The following ACOT6 variants were observed in gnomAD, a reference collection of about 807,000 sequenced individuals.
ACOT6 encodes acyl-CoA thioesterase 6.
In ACOT6, 14 loss-of-function variants were observed where a neutral mutation model predicts 12.3. That is an observed-to-expected ratio of 1.14 (90% CI 0.75 to 1.78). The LOEUF (loss-of-function observed/expected upper bound fraction) is 1.78. ACOT6 is among the 40% of genes most tolerant of loss of function. The pLI is 0.00. For synonymous variants in ACOT6, 218 were observed against 231.3 expected (o/e 0.94, Z 0.52); for missense variants, 523 against 551.8 (o/e 0.95, Z 0.52).
At chr14:73,613,696 C>G (rs1316786908) in intron 1 of ACOT6, among the ~76,000 whole-genome samples, 1 of 152,110 alleles carries the variant, frequency 6.6e-6, no homozygotes, top group Non-Finnish European at 1.5e-5. Context: ...CAGGCAGAGG[C>G]CAGAGATGCT....
chr14:73,614,177 G>T (rs147181579), intron 1 of ACOT6, among the ~76,000 whole-genome samples: 2,254 of 152,038 alleles, frequency 0.015, 57 homozygotes, highest in African/African-American at 0.051. Flanking sequence ...TTCCAGCCTG[G>T]ACAACAGAGT....
Position 73,612,606 on chromosome 14 carries a change from G to T in ACOT6, c.35G>T (p.Arg12Leu), listed in dbSNP as rs546367929. Residue 12 changes from arginine (R) to leucine (L), a missense_variant, in exon 1 of 3, where the codon CGC becomes CTC. By Grantham distance (102) the Arg-to-Leu change is moderately radical. Transcript: ENST00000645972. ...AATLILEPAGRCCWDEPLRIA... is the reference protein window; with the variant it reads ...AATLILEPAGLCCWDEPLRIA... ...ACGCTGATCCTGGAGCCCGCGGGCCGCTGCTGCTGGGACGAGCCGCTGCGC... is the reference window on the plus strand; with the variant it reads ...ACGCTGATCCTGGAGCCCGCGGGCCTCTGCTGCTGGGACGAGCCGCTGCGC... The T allele has an allele frequency of 1.1e-5, 16 of 1,417,338 alleles. No homozygotes were observed. Among genetic ancestry groups the T allele is most frequent in the African/African-American group, 8.9e-5 (6 of 67,152 alleles). The allele number at this position is 1,417,338 out of a possible 1,614,324, so 87.8% of individuals were successfully genotyped here. A position where few individuals can be genotyped will look rare whatever the true frequency, so the allele number is the denominator to read the frequency against.
intron 1 of ACOT6, among the ~76,000 whole-genome samples, chr14:73,614,970 G>A (rs1350120134): frequency 6.6e-6 from 1 of 150,864 alleles, no homozygotes; most frequent in Non-Finnish European, 1.5e-5. Context: ...GGTGGTGGGT[G>A]CCTGTAATCT....
rs1890552538 is a variant in ACOT6 at position 73,617,058 on chromosome 14, AGCCTCC to A, written c.527_532del (p.Ser176_Leu178delinsMet). 6.6e-5 allele frequency: 87 copies of A among 1,311,854 alleles called. No individual in the cohort carries two copies. The highest frequency in any genetic ancestry group is 8.7e-5 in the Non-Finnish European group (79 of 907,948). 81.3% of individuals were successfully genotyped at this position (1,311,854 alleles called of 1,614,324 possible). A position where few individuals can be genotyped will look rare whatever the true frequency, so the allele number is the denominator to read the frequency against. ...CAGGGGCCTTTGTGAATACAGGGCC[AGCCTCC>A]TGGCCGGACATGGTTTTGCTGTGCT... On this transcript the variant is annotated inframe_deletion, in exon 2 of 3. Coordinates refer to ENST00000645972, the MANE Select transcript of ACOT6 (RefSeq NM_001365788.1).
rs183051408 is a variant in ACOT6 at position 73,618,017 on chromosome 14, C to A, written c.660+825C>A. 6.8e-3 allele frequency among the ~76,000 whole-genome samples: 1,034 copies of A among 151,996 alleles called. 6 individuals are homozygous for A. The highest frequency in any genetic ancestry group is 0.011 in the Non-Finnish European group (722 of 67,994). Reference sequence around the variant, plus strand: ...AATTAGCTGGGCATGGTGGTGCACACCTGTAATCCCAGCTACTCGGGAGGC... The same window carrying A: ...AATTAGCTGGGCATGGTGGTGCACAACTGTAATCCCAGCTACTCGGGAGGC... On this transcript the variant is annotated intron_variant, in intron 2 of 2. Transcript: ENST00000645972.
intron 2 of ACOT6, among the ~76,000 whole-genome samples, chr14:73,618,289 C>A (rs146203818): frequency 1.3e-5 from 2 of 152,184 alleles, no homozygotes; most frequent in Admixed American, 6.5e-5. Context: ...TTCTCTCCCC[C>A]ACAACCCCTA....
chr14:73,618,474 G>C (rs1246092994), intron 2 of ACOT6, among the ~76,000 whole-genome samples: 1 of 151,372 alleles, frequency 6.6e-6, no homozygotes, highest in East Asian at 1.9e-4. Flanking sequence ...GAAGGAGCCA[G>C]TGATGGAAGA....
At chr14:73,617,386 C>T (rs760785785) in intron 2 of ACOT6, among the ~76,000 whole-genome samples, 194 bp downstream of exon 2, 9 of 151,848 alleles carry the variant, frequency 5.9e-5, no homozygotes, top group East Asian at 1.9e-4. Context: ...AGGCTGAGGC[C>T]GGGGGATTGC....
intron 1 of ACOT6, 155 bp from the exon 2 acceptor site, chr14:73,616,839 C>T (rs1350064467): frequency 3.7e-6 from 2 of 546,104 alleles, no homozygotes; most frequent in Admixed American, 3.3e-5. Flanking sequence ...AGTTTTTTAT[C>T]CCTCTATATT....
Position 73,619,556 on chromosome 14 carries a change from G to A in ACOT6, c.983G>A (p.Ser328Asn). The change falls in exon 3 of 3, where the codon AGC becomes AAC. Residue 328 changes from serine to asparagine, a missense_variant. Physicochemically the swap from Ser to Asn is conservative, Grantham distance 46. This residue lies in a region of ACOT6 where 219 missense variants were observed against 277.0 expected (regional missense o/e 0.79). Coordinates refer to ENST00000645972, the MANE Select transcript of ACOT6 (RefSeq NM_001365788.1). ...FLFIVGMDDQ[S>N]WKSEFYAQIA... ...TTTATTGTTGGCATGGATGATCAAA[G>A]CTGGAAGAGTGAATTCTATGCTCAG... is the stretch of plus-strand genomic sequence containing the variant. 6.2e-7 allele frequency: 1 copy of A among 1,614,214 alleles called. No homozygotes were observed. The highest frequency in any genetic ancestry group is 8.5e-7 in the Non-Finnish European group (1 of 1,180,042).
In ACOT6 at chr14:73,612,933, G is replaced by T; in HGVS notation, c.362G>T (p.Cys121Phe). The T allele has an allele frequency of 4.5e-6, 6 of 1,332,592 alleles. No homozygotes were observed. The highest frequency in any genetic ancestry group is 1.5e-5 in the African/African-American group (1 of 65,410). The allele number at this position is 1,332,592 out of a possible 1,614,324, so 82.5% of individuals were successfully genotyped here. A position where few individuals can be genotyped will look rare whatever the true frequency, so the allele number is the denominator to read the frequency against. Reference sequence around the variant, plus strand: ...GACACCGAGCCCGGGCGGCTGCTGTGCCTGGCGCAGAACAAGCGCGACTTT... The same window carrying T: ...GACACCGAGCCCGGGCGGCTGCTGTTCCTGGCGCAGAACAAGCGCGACTTT... ...GHDTEPGRLL[C>F]LAQNKRDFLR... is the part of the protein sequence containing the mutation. Residue 121 changes from cysteine (C) to phenylalanine (F), a missense_variant, in exon 1 of 3, where the codon TGC (cysteine) becomes TTC (phenylalanine). Transcript: ENST00000645972.
In ACOT6 at chr14:73,619,260, T is replaced by C. The variant is rs1457831478; in HGVS notation, c.687T>C (p.Leu229=). 1.9e-6 allele frequency: 3 copies of C among 1,594,136 alleles called. No homozygotes were observed. The highest frequency in any genetic ancestry group is 1.1e-5 in the South Asian group (1 of 87,150). Residue 229 remains leucine (L), a synonymous_variant, in exon 3 of 3, where the codon CTT becomes CTC. Transcript: ENST00000645972. ...TGAAAGGTCCTAGTATTGCGCTTCT[T>C]GGATTTTCCAAAGGAGGTGACCTGT... The part of the protein sequence containing the change: ...PKVKGPSIAL[L]GFSKGGDLCL...
rs749140763 is a variant in ACOT6, at chr14:73,617,144, T to C, written c.612T>C (p.His204=). 6.2e-7 allele frequency: 1 copy of C among 1,614,016 alleles called. No individual in the cohort carries two copies. Among genetic ancestry groups the C allele is most frequent in the Non-Finnish European group, 8.5e-7 (1 of 1,179,936 alleles). ...EDLPEDLNDV[H]LEYFEEAVDF... Reference sequence around the variant, plus strand: ...TCCCCGAAGATCTGAATGATGTACATCTGGAGTACTTTGAAGAAGCCGTGG... The same window carrying C: ...TCCCCGAAGATCTGAATGATGTACACCTGGAGTACTTTGAAGAAGCCGTGG... Residue 204 remains histidine, a synonymous_variant, in exon 2 of 3, where the codon CAT becomes CAC. Coordinates refer to ENST00000645972, the MANE Select transcript of ACOT6 (RefSeq NM_001365788.1).
Position 73,619,808 on chromosome 14 carries a change from G to A in ACOT6, c.1235G>A (p.Gly412Asp). 1 of 1,607,474 alleles carries A rather than the reference G, an allele frequency of 6.2e-7. No individual in the cohort carries two copies. The highest frequency in any genetic ancestry group is 8.5e-7 in the Non-Finnish European group (1 of 1,178,122). ...ACTTTCTTCCATAAACATCTCAATG[G>A]TAAAAAATCTGTCAAGCACAGCAAA... is the stretch of plus-strand genomic sequence containing the variant. ...IQTFFHKHLN[G>D]KKSVKHSKI is the part of the protein sequence containing the mutation. The change falls in exon 3 of 3, where the codon GGT becomes GAT. Residue 412 changes from glycine (G) to aspartate (D), a missense_variant. By Grantham distance (94) the Gly-to-Asp change is moderately conservative. This residue lies in a region of ACOT6 where 219 missense variants were observed against 277.0 expected (regional missense o/e 0.79). Transcript: ENST00000645972.
At chr14:73,615,388 T>TTAAAAAAAAAAAAAAAAAAAAA (rs1890516868) in intron 1 of ACOT6, among the ~76,000 whole-genome samples, 1 of 63,338 alleles carries the variant, frequency 1.6e-5, no homozygotes, top group African/African-American at 1.0e-4. Flanking sequence ...CTCTGTCTGA[T>TTAAAAAAAAAAAAAAAAAAAAA]AAAAAAAAAA....
chr14:73,615,406 AACAAAAAAC>A lies in ACOT6; in HGVS notation c.462-1586_462-1578del, dbSNP rs1195370559. 4.4e-3 allele frequency among the ~76,000 whole-genome samples: 311 copies of A among 70,234 alleles called. 16 individuals carry two copies. Among genetic ancestry groups the A allele is most frequent in the Middle Eastern group, 0.019 (2 of 108 alleles). 46.1% of individuals were successfully genotyped at this position (70,234 alleles called of 152,430 possible). ...TGTCTGATAAAAAAAAAAAAAAAAA[AACAAAAAAC>A]AAAAAAAACCAGCAACAACGAAAAA... On this transcript the variant is annotated intron_variant, in intron 1 of 2. Transcript: ENST00000645972.
intron 1 of ACOT6, among the ~76,000 whole-genome samples, chr14:73,613,437 CAAG>C (rs1410226583): frequency 1.3e-5 from 2 of 152,212 alleles, no homozygotes; most frequent in Non-Finnish European, 2.9e-5. Context: ...AGCTGATGTG[CAAG>C]AAGGATTTTT....
rs760554024 is a variant in ACOT6, at chr14:73,617,205, G to A, written c.660+13G>A. ...GCAGCATCCAAAGGTGCGTTCTGGT[G>A]ATCACCTGAGTGCAGAAGAGAGGGG... is the stretch of plus-strand genomic sequence containing the variant. On this transcript the variant is annotated intron_variant, in intron 2 of 2. Transcript: ENST00000645972. 9 of 1,614,034 alleles carry A rather than the reference G, an allele frequency of 5.6e-6. No individual in the cohort carries two copies. The East Asian group carries it at 1.6e-4, about 28-fold the overall frequency.
At position 73,612,568 on chromosome 14, in the gene ACOT6, T is replaced by A; in HGVS notation, c.-4T>A. On this transcript the variant is annotated 5_prime_UTR_variant, in exon 1 of 3. Coordinates refer to ENST00000645972, the MANE Select transcript of ACOT6 (RefSeq NM_001365788.1). ...TGGGTCGCCCCTGTTCTACCCAGAT[T>A]GGGATGGCAGCGACGCTGATCCTGG... is the stretch of plus-strand genomic sequence containing the variant. The A allele has an allele frequency of 7.2e-7, 1 of 1,383,994 alleles. No homozygotes were observed. Among genetic ancestry groups the A allele is most frequent in the Non-Finnish European group, 9.4e-7 (1 of 1,058,676 alleles). The allele number at this position is 1,383,994 out of a possible 1,614,324, so 85.7% of individuals were successfully genotyped here.
Sources: gnomAD v4.1 joint callset for allele counts (sites outside exome capture counted in the v4.1 genomes callset) on GRCh38, gnomAD v4.1.1 for gene constraint, gnomAD v4.1.1 regional missense constraint, MANE v1.5 for transcripts, NCBI Gene and HGNC (gene_info 2026-07-23, HGNC 2026-07-21) for gene names.